The following PCDH15 variants were observed in gnomAD, a reference collection of about 807,000 sequenced individuals.
The protein encoded by PCDH15 is protocadherin related 15, also known as protocadherin-15.
Under a neutral mutation model 178.5 loss-of-function variants are expected in PCDH15, and 129 were observed. That is an observed-to-expected ratio of 0.72 (90% CI 0.63 to 0.84). PCDH15 has a LOEUF of 0.84. Ranked by LOEUF, PCDH15 falls within the 40% of genes least tolerant of loss-of-function variation. The pLI is 0.00. For missense variants in PCDH15, 2,230 were observed against 2,099.9 expected (o/e 1.06, Z -1.21); for synonymous variants, 800 against 732.0 (o/e 1.09, Z -1.50).
chr10:54,395,582 T>C (rs1951103956), intron 3 of PCDH15, among the ~76,000 whole-genome samples: 1 of 151,988 alleles, frequency 6.6e-6, no homozygotes, highest in Non-Finnish European at 1.5e-5. Context: ...GATTTTGTTA[T>C]GCATCGTTTT....
chr10:54,636,922 T>C (rs543919041), intron 2 of PCDH15, among the ~76,000 whole-genome samples: 1 of 152,104 alleles, frequency 6.6e-6, no homozygotes, highest in South Asian at 2.1e-4. Flanking sequence ...ACTATAGCCA[T>C]ATTGAGACAT....
chr10:55,391,223 A>G (rs1837784803), intron 2 of PCDH15, among the ~76,000 whole-genome samples: 1 of 151,782 alleles, frequency 6.6e-6, no homozygotes, highest in Non-Finnish European at 1.5e-5. Flanking sequence ...CTTCACCTTG[A>G]ATTTTTATGT....
chr10:54,664,967 C>A (rs1249786273), intron 1 of PCDH15, among the ~76,000 whole-genome samples: 1 of 149,664 alleles, frequency 6.7e-6, no homozygotes, highest in Non-Finnish European at 1.5e-5. Context: ...CCTGTGAGCA[C>A]ATGAGAATGT....
At chr10:55,434,077 C>CTTTTTTTTTTTTTTTTTTTTTT (rs60921527) in intron 2 of PCDH15, among the ~76,000 whole-genome samples, 7 of 90,814 alleles carry the variant, frequency 7.7e-5, no homozygotes, top group South Asian at 4.0e-4. Flanking sequence ...CTTTTCTTTT[C>CTTTTTTTTTTTTTTTTTTTTTT]TTTTTTTTTT....
At chr10:54,246,954 T>C (rs1410752994) in intron 8 of PCDH15, among the ~76,000 whole-genome samples, 1 of 151,964 alleles carries the variant, frequency 6.6e-6, no homozygotes, top group Non-Finnish European at 1.5e-5. Flanking sequence ...TGTAAAGTGC[T>C]GTTCCATATC....
intron 3 of PCDH15, among the ~76,000 whole-genome samples, chr10:54,416,048 T>C (rs899406108): frequency 4.6e-5 from 7 of 152,146 alleles, no homozygotes; most frequent in African/African-American, 1.4e-4. Context: ...ACTACAGCAT[T>C]GACCTCCCTG....
chr10:54,750,634 T>G (rs1022245995), intron 1 of PCDH15, among the ~76,000 whole-genome samples: 3 of 152,142 alleles, frequency 2.0e-5, no homozygotes, highest in African/African-American at 7.2e-5. Context: ...ACTAAGTTTA[T>G]TTAAATAATG....
chr10:54,285,555 T>G (rs2058979294), intron 8 of PCDH15, among the ~76,000 whole-genome samples: 1 of 151,970 alleles, frequency 6.6e-6, no homozygotes, highest in African/African-American at 2.4e-5. Context: ...TATTATCAAA[T>G]AGACAAAAAA....
intron 2 of PCDH15, among the ~76,000 whole-genome samples, chr10:55,055,208 C>T (rs548746202): frequency 2.6e-5 from 4 of 152,250 alleles, no homozygotes; most frequent in African/African-American, 9.6e-5. Flanking sequence ...CGAAAGGGAT[C>T]CAGTCTCAAT....
chr10:54,929,553 A>C (rs897834367), intron 2 of PCDH15, among the ~76,000 whole-genome samples: 2 of 152,174 alleles, frequency 1.3e-5, no homozygotes, highest in African/African-American at 4.8e-5. Context: ...ATCTTCCATA[A>C]TTTATCATAC....
chr10:54,280,624 C>T (rs1174606827), intron 8 of PCDH15, among the ~76,000 whole-genome samples: 1 of 151,730 alleles, frequency 6.6e-6, no homozygotes, highest in Non-Finnish European at 1.5e-5. Flanking sequence ...ACATATGAGG[C>T]CTTTGTTCGT....
At chr10:55,018,858 C>A (rs1376152801) in intron 2 of PCDH15, among the ~76,000 whole-genome samples, 2 of 151,948 alleles carry the variant, frequency 1.3e-5, no homozygotes, top group African/African-American at 4.8e-5. Flanking sequence ...AAAATATATA[C>A]CTCGTATAGG....
intron 2 of PCDH15, among the ~76,000 whole-genome samples, chr10:55,337,502 G>T (rs912910166): frequency 2.6e-5 from 4 of 152,162 alleles, no homozygotes; most frequent in African/African-American, 9.7e-5. Context: ...GGGAAATAAT[G>T]ATATGAAAGG....
chr10:55,370,590 T>G (rs57604274), intron 2 of PCDH15, among the ~76,000 whole-genome samples: 2,099 of 152,272 alleles, frequency 0.014, 47 homozygotes, highest in African/African-American at 0.047. Flanking sequence ...GAATCGCTTC[T>G]GAAGTTCAGA....
chr10:54,474,390 T>C (rs1258384201), intron 3 of PCDH15, among the ~76,000 whole-genome samples: 1 of 152,010 alleles, frequency 6.6e-6, no homozygotes, highest in Non-Finnish European at 1.5e-5. Context: ...AAAACAGGAA[T>C]TGGGTTTGTT....
intron 3 of PCDH15, among the ~76,000 whole-genome samples, chr10:54,424,939 C>T (rs1257965877): frequency 1.4e-5 from 2 of 147,136 alleles, no homozygotes; most frequent in Non-Finnish European, 3.0e-5. Flanking sequence ...AGCACACCAA[C>T]ATGGCACATG....
At chr10:54,050,963 G>C (rs2093759996) in intron 18 of PCDH15, among the ~76,000 whole-genome samples, 1 of 152,114 alleles carries the variant, frequency 6.6e-6, no homozygotes, top group African/African-American at 2.4e-5. Flanking sequence ...TGTTTTACAA[G>C]CATTTTTTCT....
chr10:54,114,872 A>T (rs72797036), intron 15 of PCDH15, among the ~76,000 whole-genome samples: 11,427 of 152,232 alleles, frequency 0.075, 485 homozygotes, highest in Middle Eastern at 0.099. Flanking sequence ...AAGGATGAGA[A>T]GTAGGAGATG....
intron 3 of PCDH15, among the ~76,000 whole-genome samples, chr10:54,831,959 T>C (rs1301374108): frequency 6.6e-6 from 1 of 152,154 alleles, no homozygotes; most frequent in East Asian, 1.9e-4. Context: ...ACTAGTAACC[T>C]GATGCACAAC....
Sources: allele counts gnomAD v4.1 joint callset (sites outside exome capture counted in the v4.1 genomes callset), GRCh38; gene constraint gnomAD v4.1.1; transcripts MANE v1.5; gene names NCBI Gene and HGNC (gene_info 2026-07-23, HGNC 2026-07-21).